PPP1R37: variants seen among roughly 807,000 people sequenced by gnomAD.
PPP1R37 encodes leucine rich repeat containing 68.
PPP1R37 carries 21 observed loss-of-function variants against 61.0 expected under a neutral mutation model. That is an observed-to-expected ratio of 0.34 (90% CI 0.24 to 0.50). The LOEUF (loss-of-function observed/expected upper bound fraction) is 0.50, where lower values mean the gene tolerates loss of function less well. Ranked by LOEUF, PPP1R37 falls within the 20% of genes least tolerant of loss-of-function variation. The pLI is 0.98. For synonymous variants in PPP1R37, 443 were observed against 433.5 expected (o/e 1.02, Z -0.27); for missense variants, 910 against 952.7 (o/e 0.96, Z 0.59).
At chr19:45,138,944 G>A (rs1188922121) in intron 2 of PPP1R37, among the ~76,000 whole-genome samples, 2 of 107,094 alleles carry the variant, frequency 1.9e-5, no homozygotes, top group African/African-American at 7.9e-5. Flanking sequence ...ATGGAGTCTC[G>A]CTTTTGTCTC....
rs1968625475 is a variant in PPP1R37 at position 45,142,376 on chromosome 19, C to G, written c.792C>G (p.Asp264Glu). Residue 264 changes from aspartate (D) to glutamate (E), a missense_variant, in exon 7 of 13, where the codon GAC becomes GAG. Asp to Glu is a conservative substitution (Grantham distance 45, BLOSUM62 2). Transcript: ENST00000221462. ...LADNKLNGLQ[D>E]SAQLGNLLKF... ...ACAACAAGCTCAACGGCCTGCAGGA[C>G]TCGGCCCAGCTGGGTAACCTGCTCA... 1 of 1,536,116 alleles carries G rather than the reference C, an allele frequency of 6.5e-7. No homozygotes were observed. The highest frequency in any genetic ancestry group is 8.7e-7 in the Non-Finnish European group (1 of 1,146,920).
At chr19:45,122,246 C>T (rs1461175213) in intron 1 of PPP1R37, among the ~76,000 whole-genome samples, 2 of 152,196 alleles carry the variant, frequency 1.3e-5, no homozygotes, top group Admixed American at 1.3e-4. Flanking sequence ...TCATCACGTG[C>T]ACACCTTCGC....
chr19:45,132,999 C>T (rs1015544881), intron 1 of PPP1R37, among the ~76,000 whole-genome samples: 4 of 152,230 alleles, frequency 2.6e-5, no homozygotes, highest in African/African-American at 9.6e-5. Flanking sequence ...AGTTGAGGCA[C>T]GGGTCACATT....
At position 45,142,446 on chromosome 19, in the gene PPP1R37, G is replaced by A. The variant is rs1049896055; in HGVS notation, c.862G>A (p.Val288Met). The change falls in exon 7 of 13, where the codon GTG becomes ATG. Residue 288 changes from valine (V) to methionine (M), a missense_variant. Around this residue, in one of 3 missense-constraint regions of PPP1R37, gnomAD observed 280 missense variants for 382.2 expected, o/e 0.73. Coordinates refer to ENST00000221462, the MANE Select transcript of PPP1R37 (RefSeq NM_019121.2). ...LQILDLRNNH[V>M]LDSGLAYICE... ...GATCCTGGACCTCCGGAACAACCACGTGCTAGACTCGGGTGGGTGCAGTGG... is the reference window on the plus strand; with the variant it reads ...GATCCTGGACCTCCGGAACAACCACATGCTAGACTCGGGTGGGTGCAGTGG... The A allele has an allele frequency of 7.2e-6, 11 of 1,535,936 alleles. No homozygotes were observed. The African/African-American group carries it at 8.2e-5, about 11-fold the overall frequency.
chr19:45,141,244 G>GT, intron 4 of PPP1R37, 78 bp from the exon 5 acceptor site: 1 of 1,444,774 alleles, frequency 6.9e-7, no homozygotes, highest in Admixed American at 2.7e-5. Flanking sequence ...TCTCTCGGTG[G>GT]GGCCCGGTGT....
chr19:45,142,885 G>T, intron 7 of PPP1R37: 1 of 196,218 alleles, frequency 5.1e-6, no homozygotes, highest in Non-Finnish European at 1.0e-5. Context: ...AACCAGCCTT[G>T]TGAGAAGCCT....
At chr19:45,129,382 C>T (rs1322400522) in intron 1 of PPP1R37, among the ~76,000 whole-genome samples, 1 of 152,158 alleles carries the variant, frequency 6.6e-6, no homozygotes, top group Non-Finnish European at 1.5e-5. Context: ...TTACTGCAAC[C>T]TCCACCTCTT....
chr19:45,094,594 G>A (rs766184487), intron 1 of PPP1R37, among the ~76,000 whole-genome samples: 2 of 152,186 alleles, frequency 1.3e-5, no homozygotes, highest in Non-Finnish European at 2.9e-5. Context: ...GGGCATAGTG[G>A]TGCACACCTG....
chr19:45,137,825 C>T (rs951275989), intron 1 of PPP1R37, among the ~76,000 whole-genome samples: 2 of 123,768 alleles, frequency 1.6e-5, no homozygotes, highest in African/African-American at 6.1e-5. Flanking sequence ...CCCAAAAATA[C>T]AAAAATACAA....
intron 1 of PPP1R37, among the ~76,000 whole-genome samples, chr19:45,120,576 G>A (rs573471722): frequency 2.6e-5 from 4 of 152,250 alleles, no homozygotes; most frequent in African/African-American, 9.6e-5. Flanking sequence ...ATCTTTGCAA[G>A]TATGTCTGTA....
rs150950112 is a variant in PPP1R37 at position 45,138,650 on chromosome 19, T to A, written c.300+39T>A. 4,779 of 1,451,118 alleles carry A rather than the reference T, an allele frequency of 3.3e-3. 38 individuals carry two copies. The highest frequency in any genetic ancestry group is 0.013 in the Middle Eastern group (67 of 5,184). 89.9% of individuals were successfully genotyped at this position (1,451,118 alleles called of 1,614,324 possible). On this transcript the variant is annotated intron_variant, in intron 2 of 12. Coordinates refer to ENST00000221462, the MANE Select transcript of PPP1R37 (RefSeq NM_019121.2). ...AGGGTGGGTGCGTCCGGTGTGGGTG[T>A]CAAGGGGGGCCCTAGGGTGGAACCA...
At chr19:45,128,869 G>A in intron 1 of PPP1R37, 2 of 645,022 alleles carry the variant, frequency 3.1e-6, no homozygotes, top group Non-Finnish European at 2.9e-6. Flanking sequence ...ACCCCTCACT[G>A]CTCCAGGACA....
intron 1 of PPP1R37, among the ~76,000 whole-genome samples, chr19:45,099,722 T>G (rs1968038780): frequency 6.6e-6 from 1 of 152,252 alleles, no homozygotes; most frequent in African/African-American, 2.4e-5. Flanking sequence ...GACCCTAGTC[T>G]AGCACACAGG....
chr19:45,093,366 C>T lies in PPP1R37; in HGVS notation c.41C>T (p.Ala14Val). 6.6e-7 allele frequency: 1 copy of T among 1,509,210 alleles called. No individual in the cohort carries two copies. The highest frequency in any genetic ancestry group is 8.8e-7 in the Non-Finnish European group (1 of 1,131,882). 93.5% of individuals were successfully genotyped at this position (1,509,210 alleles called of 1,614,324 possible). A position where few individuals can be genotyped will look rare whatever the true frequency, so the allele number is the denominator to read the frequency against. Residue 14 changes from alanine (A) to valine (V), a missense_variant, in exon 1 of 13, where the codon GCG becomes GTG. This residue lies in a region of PPP1R37 where 81 missense variants were observed against 65.4 expected (regional missense o/e 1.24). Coordinates refer to ENST00000221462, the MANE Select transcript of PPP1R37 (RefSeq NM_019121.2). ...CAGGAGGCGCCGCCCGTGCCGGGCG[C>T]GGACGGCGACATTGAAGAGGCCCCA... ...APQEAPPVPG[A>V]DGDIEEAPAE... is the part of the protein sequence containing the mutation.
At chr19:45,097,353 C>T (rs1052779453) in intron 1 of PPP1R37, among the ~76,000 whole-genome samples, 1 of 151,918 alleles carries the variant, frequency 6.6e-6, no homozygotes, top group Non-Finnish European at 1.5e-5. Context: ...TATCCGGAAG[C>T]TGTTGTGCCG....
intron 1 of PPP1R37, chr19:45,128,468 G>A: frequency 3.1e-6 from 2 of 642,044 alleles, no homozygotes; most frequent in Non-Finnish European, 5.2e-6. Flanking sequence ...GGTGGTAGAG[G>A]CAGCGGCAGC....
rs10419874 is a variant in PPP1R37, at chr19:45,145,245, A to G, written c.1281A>G (p.Glu427=). 11,209 of 1,532,896 alleles carry G rather than the reference A, an allele frequency of 7.3e-3. 572 individuals are homozygous for G. In the African/African-American group the frequency reaches 0.12, roughly 17 times the overall value. 95.0% of individuals were successfully genotyped at this position (1,532,896 alleles called of 1,614,324 possible). Residue 427 remains glutamate (E), a synonymous_variant, in exon 10 of 13, where the codon GAA becomes GAG. Transcript: ENST00000221462. ...TGCTGCGCCTGGACCTCGACCGTGA[A>G]CCCAAGAAAGAGGCGGTGAGCAGGG... is the stretch of plus-strand genomic sequence containing the variant. ...HSLLRLDLDR[E]PKKEAVKSFI...
chr19:45,144,987 C>T lies in PPP1R37; in HGVS notation c.1121C>T (p.Thr374Met). Residue 374 changes from threonine to methionine, a missense_variant, in exon 9 of 13, where the codon ACG (threonine) becomes ATG (methionine). This residue lies in a region of PPP1R37 where 549 missense variants were observed against 505.1 expected (regional missense o/e 1.09). Transcript: ENST00000221462. ...LRLGLASTKL[T>M]CEGAVAVAEF... ...CTCGGGCTGGCCTCCACCAAGCTCA[C>T]GTGCGAGGGTAGGGTACGGGGCCGG... 3 of 1,534,578 alleles carry T rather than the reference C, an allele frequency of 2.0e-6. No individual in the cohort carries two copies. The highest frequency in any genetic ancestry group is 1.2e-5 in the South Asian group (1 of 83,778).
In PPP1R37 at chr19:45,143,536, G is replaced by C; in HGVS notation, c.890G>C (p.Cys297Ser). ...HVLDSGLAYI[C>S]EGLKEQRKGL... ...CCTCCTCCAGGTCTGGCCTACATCT[G>C]CGAGGGCCTCAAGGAGCAGAGGAAG... The change falls in exon 8 of 13, where the codon TGC (cysteine) becomes TCC (serine). Residue 297 changes from cysteine (C) to serine (S), a missense_variant. Physicochemically the swap from Cys to Ser is moderately radical, Grantham distance 112. Coordinates refer to ENST00000221462, the MANE Select transcript of PPP1R37 (RefSeq NM_019121.2). The C allele has an allele frequency of 6.5e-7, 1 of 1,535,308 alleles. No homozygotes were observed. The highest frequency in any genetic ancestry group is 1.2e-5 in the South Asian group (1 of 84,030).
Sources: allele counts gnomAD v4.1 joint callset (sites outside exome capture counted in the v4.1 genomes callset), GRCh38; gene constraint gnomAD v4.1.1; regional missense constraint gnomAD v4.1.1; transcripts MANE v1.5; gene names NCBI Gene and HGNC (gene_info 2026-07-23, HGNC 2026-07-21).